CADPS2: variants seen among roughly 807,000 people sequenced by gnomAD.
CADPS2 encodes calcium dependent secretion activator 2.
Under a neutral mutation model 172.5 loss-of-function variants are expected in CADPS2, and 93 were observed. The observed-to-expected ratio is 0.54, with a 90% CI of 0.46 to 0.64. The LOEUF is 0.64. Ranked by LOEUF, CADPS2 falls within the 30% of genes least tolerant of loss-of-function variation. CADPS2 has a pLI of 0.00. For missense variants in CADPS2, 1,420 were observed against 1,565.9 expected (o/e 0.91, Z 1.57); for synonymous variants, 546 against 555.2 (o/e 0.98, Z 0.23).
At chr7:122,802,801 G>A (rs1304334973) in intron 1 of CADPS2, among the ~76,000 whole-genome samples, 1 of 152,074 alleles carries the variant, frequency 6.6e-6, no homozygotes, top group African/African-American at 2.4e-5. Context: ...AAATACAATG[G>A]AATAATATAC....
intron 6 of CADPS2, among the ~76,000 whole-genome samples, chr7:122,605,406 T>C (rs1174007586): frequency 1.3e-5 from 2 of 152,196 alleles, no homozygotes; most frequent in African/African-American, 2.4e-5. Flanking sequence ...TGGTCATTCA[T>C]ATATGCAGTC....
At chr7:122,847,269 T>A (rs1812243388) in intron 1 of CADPS2, among the ~76,000 whole-genome samples, 1 of 152,134 alleles carries the variant, frequency 6.6e-6, no homozygotes, top group Admixed American at 6.5e-5. Context: ...GTATTTTTAC[T>A]AGAGACAGGG....
At chr7:122,847,940 A>G (rs1469012281) in intron 1 of CADPS2, among the ~76,000 whole-genome samples, 1 of 152,346 alleles carries the variant, frequency 6.6e-6, no homozygotes, top group Non-Finnish European at 1.5e-5. Context: ...ACATCATCCT[A>G]TATGAAAACA....
Position 122,592,174 on chromosome 7 carries a change from G to A in CADPS2, c.1224-10884C>T, listed in dbSNP as rs186053831. On this transcript the variant is annotated intron_variant, in intron 6 of 29. Coordinates refer to ENST00000449022, the MANE Select transcript of CADPS2 (RefSeq NM_017954.11). ...CAAACAACCCCATCACAAAGTGGGC[G>A]AAGGAGATGAACAGACACTTCTCAA... Among the ~76,000 whole-genome samples the A allele has an allele frequency of 5.6e-3, 846 of 152,198 alleles. 10 individuals are homozygous for A. The highest frequency in any genetic ancestry group is 0.014 in the Admixed American group (217 of 15,284).
chr7:122,511,695 A>C (rs555343110), intron 9 of CADPS2, among the ~76,000 whole-genome samples: 2 of 152,294 alleles, frequency 1.3e-5, no homozygotes, highest in Admixed American at 1.3e-4. Flanking sequence ...TAAATGCATA[A>C]AATAACTGAA....
chr7:122,358,673 A>G (rs1040990135), intron 27 of CADPS2, among the ~76,000 whole-genome samples: 18 of 152,140 alleles, frequency 1.2e-4, no homozygotes, highest in African/African-American at 4.1e-4. Context: ...CTTAAGAGAC[A>G]GCTTCAGAGA....
intron 2 of CADPS2, among the ~76,000 whole-genome samples, chr7:122,734,342 C>T (rs1026151386): frequency 5.5e-5 from 3 of 54,492 alleles, no homozygotes; most frequent in East Asian, 1.2e-3. Context: ...ATAACGATAG[C>T]ATGCCAGAAA....
chr7:122,469,626 C>A (rs1394573755), intron 14 of CADPS2, among the ~76,000 whole-genome samples: 2 of 152,106 alleles, frequency 1.3e-5, no homozygotes, highest in Non-Finnish European at 1.5e-5. Context: ...AAGTGAAAAC[C>A]TGAATAGACT....
intron 1 of CADPS2, among the ~76,000 whole-genome samples, chr7:122,868,268 C>A (rs1563211113): frequency 6.6e-6 from 1 of 152,102 alleles, no homozygotes; most frequent in East Asian, 1.9e-4. Flanking sequence ...AACTTGCAAA[C>A]CTTCAGCAAC....
At chr7:122,363,121 ACTGG>A (rs1340152237) in intron 25 of CADPS2, among the ~76,000 whole-genome samples, 1 of 152,214 alleles carries the variant, frequency 6.6e-6, no homozygotes, top group Non-Finnish European at 1.5e-5. Context: ...ACCAATCATG[ACTGG>A]CTAACTCAAC....
chr7:122,650,034 G>T (rs191277155), intron 3 of CADPS2, among the ~76,000 whole-genome samples: 327 of 146,364 alleles, frequency 2.2e-3, no homozygotes, highest in Middle Eastern at 0.011. Flanking sequence ...TCAGCCTCCC[G>T]AGTAGCTGGG....
intron 1 of CADPS2, among the ~76,000 whole-genome samples, chr7:122,862,642 G>T (rs1817236273): frequency 6.6e-6 from 1 of 151,928 alleles, no homozygotes; most frequent in African/African-American, 2.4e-5. Context: ...CCAACCCTCT[G>T]TAATTTGTGA....
chr7:122,372,065 A>G (rs576807668), intron 25 of CADPS2, among the ~76,000 whole-genome samples: 10 of 152,212 alleles, frequency 6.6e-5, no homozygotes, highest in Non-Finnish European at 1.0e-4. Flanking sequence ...TAACATACTT[A>G]CTATTCACTA....
At chr7:122,523,685 C>T (rs906925826) in intron 8 of CADPS2, among the ~76,000 whole-genome samples, 6 of 152,242 alleles carry the variant, frequency 3.9e-5, no homozygotes, top group Admixed American at 1.3e-4. Flanking sequence ...ATATATTCTA[C>T]CACAGGAGGC....
At chr7:122,675,784 G>A (rs1021370355) in intron 2 of CADPS2, among the ~76,000 whole-genome samples, 4 of 152,028 alleles carry the variant, frequency 2.6e-5, no homozygotes, top group Admixed American at 6.5e-5. Flanking sequence ...ACACATGCAC[G>A]CAGGGAGGGG....
chr7:122,399,831 C>T (rs1159681933), intron 20 of CADPS2, among the ~76,000 whole-genome samples: 2 of 150,404 alleles, frequency 1.3e-5, no homozygotes, highest in Non-Finnish European at 3.0e-5. Context: ...GGACTACAGG[C>T]GCCCGCCACT....
chr7:122,658,975 C>T (rs1316934020), intron 3 of CADPS2, among the ~76,000 whole-genome samples: 1 of 151,906 alleles, frequency 6.6e-6, no homozygotes, highest in Non-Finnish European at 1.5e-5. Context: ...TTAAGCACAG[C>T]TCAACTCCTA....
chr7:122,663,403 T>C lies in CADPS2; in HGVS notation c.620A>G (p.Tyr207Cys), dbSNP rs1484240411. ...CTCTTCACCTCTGTAAATGGCATCA[T>C]ATTTGGCTATCCATGAGCTCAACAC... is the stretch of plus-strand genomic sequence containing the variant. ...ETVLSSWIAK[Y>C]DAIYRGEEDL... Residue 207 changes from tyrosine (Y) to cysteine (C), a missense_variant, in exon 3 of 30, where the codon TAT (tyrosine) becomes TGT (cysteine). Tyr to Cys is a radical substitution (Grantham distance 194, BLOSUM62 -2). Coordinates refer to ENST00000449022, the MANE Select transcript of CADPS2 (RefSeq NM_017954.11). The C allele has an allele frequency of 6.2e-7, 1 of 1,613,862 alleles. No individual in the cohort carries two copies. The highest frequency in any genetic ancestry group is 8.5e-7 in the Non-Finnish European group (1 of 1,179,900).
chr7:122,698,484 C>G (rs755036924), intron 2 of CADPS2: 1 of 1,613,892 alleles, frequency 6.2e-7, no homozygotes, highest in South Asian at 1.1e-5. Context: ...CTTCAAATGC[C>G]TGATGAAACA....
Sources: allele counts gnomAD v4.1 joint callset (sites outside exome capture counted in the v4.1 genomes callset), GRCh38; gene constraint gnomAD v4.1.1; transcripts MANE v1.5; gene names NCBI Gene and HGNC (gene_info 2026-07-23, HGNC 2026-07-21).